Variants in ZP2 observed in about 807,000 individuals in gnomAD.
ZP2 encodes the protein zona pellucida glycoprotein 2.
Under a neutral mutation model 84.0 loss-of-function variants are expected in ZP2, and 51 were observed. That is an observed-to-expected ratio of 0.61 (90% CI 0.49 to 0.77). ZP2 has a LOEUF of 0.77. Ranked by LOEUF, ZP2 falls within the 30% of genes least tolerant of loss-of-function variation. The pLI, the probability that ZP2 is intolerant of heterozygous loss-of-function variation, is 0.00. For missense variants in ZP2, 909 were observed against 911.9 expected (o/e 1.00, Z 0.04); for synonymous variants, 375 against 330.9 (o/e 1.13, Z -1.45).
chr16:21,209,334 GTT>G (rs1355893502), intron 4 of ZP2, among the ~76,000 whole-genome samples: 7 of 152,072 alleles, frequency 4.6e-5, no homozygotes. Context: ...CACCCAGCTA[GTT>G]TTTTGTATTT....
chr16:21,206,015 C>T (rs569214691), intron 5 of ZP2: 4 of 541,756 alleles, frequency 7.4e-6, no homozygotes, highest in East Asian at 3.3e-5. Context: ...ATTTCTCCCC[C>T]CAAGATAGAG....
chr16:21,202,691 G>C (rs955923170), intron 10 of ZP2, among the ~76,000 whole-genome samples: 1 of 152,126 alleles, frequency 6.6e-6, no homozygotes, highest in Admixed American at 6.5e-5. Flanking sequence ...ACTGAGGCAG[G>C]AGCTGGTTTT....
In ZP2 at chr16:21,203,119, C is replaced by A. The variant is rs1716911834; in HGVS notation, c.1099+6G>T. The A allele has an allele frequency of 1.9e-6, 3 of 1,612,600 alleles. No individual in the cohort carries two copies. The highest frequency in any genetic ancestry group is 2.7e-5 in the African/African-American group (2 of 74,830). The stretch of plus-strand genomic sequence containing the variant: ...GTAGAACATGATTTTAATAAAAGGT[C>A]TTTACCTATAGAAACGGGTGACTCA... On this transcript the variant is annotated splice_donor_region_variant and intron_variant, in intron 10 of 18. Transcript: ENST00000574091.
chr16:21,199,188 G>T (rs940216672), intron 16 of ZP2, among the ~76,000 whole-genome samples: 1 of 78,496 alleles, frequency 1.3e-5, no homozygotes, highest in Non-Finnish European at 2.9e-5. Flanking sequence ...GGGTATGTTG[G>T]GGGGGTTCCT....
At position 21,211,549 on chromosome 16, in the gene ZP2, G is replaced by A. The variant is rs762938390; in HGVS notation, c.-2C>T. ...GCCTCCTCTCTGCCTGCACGCCATAGCAGAAGACACTACCAGATCAACCAG... is the reference window on the plus strand; with the variant it reads ...GCCTCCTCTCTGCCTGCACGCCATAACAGAAGACACTACCAGATCAACCAG... On this transcript the variant is annotated 5_prime_UTR_variant, in exon 1 of 19. Coordinates refer to ENST00000574091, the MANE Select transcript of ZP2 (RefSeq NM_001376232.1). 4.3e-6 allele frequency: 7 copies of A among 1,614,098 alleles called. No individual in the cohort carries two copies. The highest frequency in any genetic ancestry group is 2.2e-5 in the South Asian group (2 of 91,086).
chr16:21,208,892 C>T (rs1376720415), intron 4 of ZP2, among the ~76,000 whole-genome samples: 1 of 152,178 alleles, frequency 6.6e-6, no homozygotes, highest in Non-Finnish European at 1.5e-5. Flanking sequence ...TTCTAATGGG[C>T]AAACAGGCTT....
rs149764747 is a variant in ZP2, at chr16:21,201,376, C to T, written c.1687G>A (p.Val563Met). The change falls in exon 14 of 19, where the codon GTG (valine) becomes ATG (methionine). Residue 563 changes from valine to methionine, a missense_variant. Transcript: ENST00000574091. ...PDSFPQWNVV[V>M]DGCAYDLDNY... The stretch of plus-strand genomic sequence containing the variant: ...AGTACAGGGAGTACCTACCCATCCA[C>T]GACAACGTTCCACTGGGGGAAAGAG... 1.0e-4 allele frequency: 162 copies of T among 1,572,582 alleles called. No individual in the cohort carries two copies. The highest frequency in any genetic ancestry group is 1.7e-4 in the Middle Eastern group (1 of 5,880).
At chr16:21,198,273 T>TA (rs1567211081) in intron 17 of ZP2, among the ~76,000 whole-genome samples, 1 of 152,004 alleles carries the variant, frequency 6.6e-6, no homozygotes, top group Non-Finnish European at 1.5e-5. Flanking sequence ...CAGGTGCCTG[T>TA]AATCCCTGAT....
intron 4 of ZP2, 94 bp from the exon 5 acceptor site, chr16:21,207,084 A>G (rs1413679154): frequency 3.5e-6 from 5 of 1,442,232 alleles, no homozygotes; most frequent in Non-Finnish European, 3.8e-6. Flanking sequence ...GAAAACCCTT[A>G]AAGTTACTAA....
chr16:21,207,734 C>A (rs2093256870), intron 4 of ZP2, among the ~76,000 whole-genome samples: 1 of 151,650 alleles, frequency 6.6e-6, no homozygotes, highest in Admixed American at 6.6e-5. Flanking sequence ...AGCTACTGGG[C>A]AGGCTGAGGT....
At chr16:21,214,385 G>T, upstream of ZP2, 1 of 606,600 alleles carries the variant, frequency 1.6e-6, no homozygotes, top group Non-Finnish European at 2.1e-6. Flanking sequence ...CCGTAAAACA[G>T]TGTCTCCTAT....
Position 21,204,219 on chromosome 16 carries a change from G to A in ZP2, c.791-8C>T. 6.2e-7 allele frequency: 1 copy of A among 1,614,072 alleles called. No individual in the cohort carries two copies. The highest frequency in any genetic ancestry group is 8.5e-7 in the Non-Finnish European group (1 of 1,179,976). The stretch of plus-strand genomic sequence containing the variant: ...CATTGCAGGTCACAGGATCTAGAAG[G>A]AATGACAACAGAATGCCCATTACCA... On this transcript the variant is annotated splice_polypyrimidine_tract_variant and splice_region_variant and intron_variant, in intron 8 of 18. Coordinates refer to ENST00000574091, the MANE Select transcript of ZP2 (RefSeq NM_001376232.1).
Position 21,203,339 on chromosome 16 carries a change from T to C in ZP2, c.973-88A>G. The stretch of plus-strand genomic sequence containing the variant: ...GGCAGGAAGCAAGTCCACTAAATAC[T>C]TGCAGGACACACTCCAGACTTATCT... On this transcript the variant is annotated intron_variant, in intron 9 of 18. Coordinates refer to ENST00000574091, the MANE Select transcript of ZP2 (RefSeq NM_001376232.1). The C allele has an allele frequency of 6.4e-6, 10 of 1,563,406 alleles. 1 individual carries two copies. The South Asian group carries it at 1.2e-4, about 18-fold the overall frequency.
Position 21,209,650 on chromosome 16 carries a change from T to C in ZP2, c.311A>G (p.Asp104Gly). 1.2e-6 allele frequency: 2 copies of C among 1,614,140 alleles called. No homozygotes were observed. The highest frequency in any genetic ancestry group is 2.2e-5 in the East Asian group (1 of 44,888). Residue 104 changes from aspartate to glycine, a missense_variant, in exon 4 of 19, where the codon GAT (aspartate) becomes GGT (glycine). Asp to Gly is a moderately conservative substitution (Grantham distance 94). Coordinates refer to ENST00000574091, the MANE Select transcript of ZP2 (RefSeq NM_001376232.1). ...ACTTACCACTCTCCTGGTACAGTTA[T>C]CATAGGTAGCCCTCAGGGTGAGCTT... Reference protein sequence around the residue: ...PEKLTLRATYDNCTRRVHGGH... With the variant: ...PEKLTLRATYGNCTRRVHGGH...
In ZP2 at chr16:21,211,494, T is replaced by G. The variant is rs781382668; in HGVS notation, c.54A>C (p.Ala18=). Residue 18 remains alanine (A), a synonymous_variant, in exon 1 of 19, where the codon GCA becomes GCC. Coordinates refer to ENST00000574091, the MANE Select transcript of ZP2 (RefSeq NM_001376232.1). ...CTTCCAGAATTACTCACCTCCAGCC[T>G]GCATTGAACCAGCCTGAGGGACTCC... is the stretch of plus-strand genomic sequence containing the variant. ...GSWSPSGWFN[A]GWSTYRSISL... is the part of the protein sequence containing the mutation. The G allele has an allele frequency of 9.7e-5, 157 of 1,614,032 alleles. No individual in the cohort carries two copies. The highest frequency in any genetic ancestry group is 3.3e-4 in the Middle Eastern group (2 of 6,084).
rs1319858999 is a variant in ZP2 at position 21,202,139 on chromosome 16, G to A, written c.1252C>T (p.His418Tyr). 1.2e-6 allele frequency: 2 copies of A among 1,612,656 alleles called. No homozygotes were observed. Among genetic ancestry groups the A allele is most frequent in the South Asian group, 1.1e-5 (1 of 90,694 alleles). ...EAQSQGLVRF[H>Y]IPLNGCGTRY... is the part of the protein sequence containing the mutation. ...GTTCCACATCCATTCAGGGGTATGT[G>A]GAACCGTACCAGCCCCTGAGACTGA... The change falls in exon 11 of 19, where the codon CAC becomes TAC. Residue 418 changes from histidine to tyrosine, a missense_variant. Coordinates refer to ENST00000574091, the MANE Select transcript of ZP2 (RefSeq NM_001376232.1).
intron 14 of ZP2, among the ~76,000 whole-genome samples, chr16:21,201,009 G>A (rs901113897): frequency 2.7e-4 from 41 of 152,248 alleles, no homozygotes; most frequent in African/African-American, 9.9e-4. Flanking sequence ...GACCAGCCTG[G>A]CCAACATGGC....
intron 16 of ZP2, 82 bp from the exon 17 acceptor site, chr16:21,198,944 A>G: frequency 5.8e-6 from 7 of 1,203,044 alleles, no homozygotes; most frequent in African/African-American, 1.5e-5. Flanking sequence ...TAGAAGTAGA[A>G]GCTCTCTGGA....
intron 16 of ZP2, among the ~76,000 whole-genome samples, chr16:21,199,137 A>G (rs1319351335): frequency 6.6e-6 from 1 of 151,946 alleles, no homozygotes; most frequent in Non-Finnish European, 1.5e-5. Context: ...CCTGGCCAAC[A>G]TGGTGAAACC....
Sources: allele counts gnomAD v4.1 joint callset (sites outside exome capture counted in the v4.1 genomes callset), GRCh38; gene constraint gnomAD v4.1.1; transcripts MANE v1.5; gene names NCBI Gene and HGNC (gene_info 2026-07-23, HGNC 2026-07-21).